Variants in POMK observed in about 807,000 individuals in gnomAD.
POMK encodes the protein Sugen kinase 196.
POMK carries 19 observed loss-of-function variants against 23.0 expected under a neutral mutation model. The ratio of observed to expected loss-of-function variants is 0.83; its 90% CI spans 0.58 to 1.21. POMK has a LOEUF of 1.21. Ranked by LOEUF, POMK falls within the 50% of genes most tolerant of loss-of-function variation. The pLI is 0.00. For missense variants in POMK, 410 were observed against 431.3 expected (o/e 0.95, Z 0.44); for synonymous variants, 173 against 171.6 (o/e 1.01, Z -0.06).
intron 4 of POMK, among the ~76,000 whole-genome samples, chr8:43,108,148 T>G (rs1811581918): frequency 6.6e-6 from 1 of 152,200 alleles, no homozygotes; most frequent in Non-Finnish European, 1.5e-5. Flanking sequence ...CCTAGATAAC[T>G]TGGGGCTCCT....
intron 4 of POMK, among the ~76,000 whole-genome samples, chr8:43,112,404 T>G (rs759379469): frequency 2.4e-4 from 37 of 152,156 alleles, no homozygotes; most frequent in Admixed American, 2.0e-4. Flanking sequence ...CTAAGAAATG[T>G]GGGACTATGT....
intron 4 of POMK, among the ~76,000 whole-genome samples, chr8:43,116,918 G>A (rs1490022414): frequency 6.6e-6 from 1 of 152,106 alleles, no homozygotes; most frequent in East Asian, 1.9e-4. Context: ...AGGGAGATAG[G>A]GGTAGGGCCA....
intron 4 of POMK, among the ~76,000 whole-genome samples, chr8:43,113,033 A>G (rs1811712498): frequency 2.0e-5 from 3 of 152,234 alleles, no homozygotes; most frequent in African/African-American, 7.2e-5. Flanking sequence ...AGCTAACATC[A>G]TAATCACAGG....
At chr8:43,108,606 T>C (rs1811590505) in intron 4 of POMK, among the ~76,000 whole-genome samples, 1 of 152,236 alleles carries the variant, frequency 6.6e-6, no homozygotes. Flanking sequence ...TTCAGACTTT[T>C]ATTAGTTTAG....
intron 4 of POMK, among the ~76,000 whole-genome samples, chr8:43,118,062 C>G (rs927476625): frequency 1.1e-4 from 16 of 152,240 alleles, no homozygotes; most frequent in African/African-American, 3.4e-4. Context: ...ACATAATAAT[C>G]TTAAGAAAGA....
rs138411599 is a variant in POMK at position 43,103,028 on chromosome 8, G to T, written c.-22+428G>T. Among the ~76,000 whole-genome samples the T allele has an allele frequency of 3.4e-3, 512 of 152,282 alleles. 4 individuals carry two copies. The highest frequency in any genetic ancestry group is 0.01 in the Middle Eastern group (3 of 294). ...TACCTTTCATAACTGCTGAAGAGTA[G>T]CTTTTATTTCTTAAAACTGTTGAGG... On this transcript the variant is annotated intron_variant, in intron 3 of 4. Coordinates refer to ENST00000331373, the MANE Select transcript of POMK (RefSeq NM_032237.5).
intron 4 of POMK, among the ~76,000 whole-genome samples, chr8:43,108,324 C>T (rs1811585024): frequency 6.6e-6 from 1 of 152,190 alleles, no homozygotes; most frequent in Admixed American, 6.5e-5. Flanking sequence ...TAGTCAAACC[C>T]TTGGTAAAAT....
In POMK at chr8:43,122,813, C is replaced by A; in HGVS notation, c.989C>A (p.Thr330Asn). 9 of 1,613,980 alleles carry A rather than the reference C, an allele frequency of 5.6e-6. No homozygotes were observed. The highest frequency in any genetic ancestry group is 7.6e-6 in the Non-Finnish European group (9 of 1,179,902). ...ERPTAQDVLE[T>N]YQKVLDTLRD... ...CCCACTGCCCAGGACGTTCTGGAGACCTACCAGAAGGTCTTGGATACACTT... is the reference window on the plus strand; with the variant it reads ...CCCACTGCCCAGGACGTTCTGGAGAACTACCAGAAGGTCTTGGATACACTT... The change falls in exon 5 of 5, where the codon ACC becomes AAC. Residue 330 changes from threonine (T) to asparagine (N), a missense_variant. By Grantham distance (65) the Thr-to-Asn change is moderately conservative. Coordinates refer to ENST00000331373, the MANE Select transcript of POMK (RefSeq NM_032237.5).
intron 1 of POMK, among the ~76,000 whole-genome samples, chr8:43,094,564 C>T (rs1024334089): frequency 2.0e-5 from 3 of 152,126 alleles, no homozygotes; most frequent in East Asian, 1.9e-4. Flanking sequence ...CACCCTTTGC[C>T]TTTGCTATAG....
At chr8:43,098,252 AC>A (rs1346030124) in intron 2 of POMK, among the ~76,000 whole-genome samples, 5 of 152,102 alleles carry the variant, frequency 3.3e-5, no homozygotes, top group African/African-American at 4.8e-5. Context: ...CCAAAAAGAG[AC>A]CCCATCCCTG....
chr8:43,110,789 A>T (rs1268112839), intron 4 of POMK, among the ~76,000 whole-genome samples: 1 of 152,072 alleles, frequency 6.6e-6, no homozygotes, highest in East Asian at 1.9e-4. Flanking sequence ...TGCTGGGTGC[A>T]TATATTCCAA....
chr8:43,105,078 T>C (rs1404748110), intron 4 of POMK, among the ~76,000 whole-genome samples: 1 of 152,242 alleles, frequency 6.6e-6, no homozygotes, highest in Non-Finnish European at 1.5e-5. Context: ...GTAATAATTA[T>C]CCATATTTAT....
chr8:43,094,432 C>A (rs957538396), intron 1 of POMK, among the ~76,000 whole-genome samples: 2 of 152,208 alleles, frequency 1.3e-5, no homozygotes, highest in Non-Finnish European at 2.9e-5. Flanking sequence ...TGTCTCAGCT[C>A]TTTGCCTTTG....
At chr8:43,118,016 T>A (rs903693755) in intron 4 of POMK, among the ~76,000 whole-genome samples, 4 of 152,214 alleles carry the variant, frequency 2.6e-5, no homozygotes, top group Admixed American at 6.5e-5. Flanking sequence ...ATAGATCATA[T>A]AAGATCTTAT....
At chr8:43,093,825 C>T (rs1218435471) in intron 1 of POMK, among the ~76,000 whole-genome samples, 1 of 152,258 alleles carries the variant, frequency 6.6e-6, no homozygotes, top group East Asian at 1.9e-4. Flanking sequence ...TGGCTCCAGC[C>T]TGTAATCCCA....
chr8:43,123,011 TCCAC>T lies in POMK; in HGVS notation c.*135_*138del. On this transcript the variant is annotated 3_prime_UTR_variant, in exon 5 of 5. Transcript: ENST00000331373. Reference sequence around the variant, plus strand: ...TATGGCTTAGCCATGTGGTTCGTTGTCCACATCCACATGTACGTTTGTATGTAGT... The same window carrying T: ...TATGGCTTAGCCATGTGGTTCGTTGTATCCACATGTACGTTTGTATGTAGT... 1.4e-6 allele frequency: 1 copy of T among 729,952 alleles called. No homozygotes were observed. The highest frequency in any genetic ancestry group is 2.2e-6 in the Non-Finnish European group (1 of 448,082). The allele number at this position is 729,952 out of a possible 1,614,324, so 45.2% of individuals were successfully genotyped here.
At position 43,110,511 on chromosome 8, in the gene POMK, T is replaced by TA; in HGVS notation, c.282+6682dup. Among the ~76,000 whole-genome samples the TA allele has an allele frequency of 1.3e-5, 2 of 152,394 alleles. 1 individual carries two copies. ...CCTTTTCATGAATACGTTCACAACT[T>TA]ACAGAGACCATCTACAACATGCTTG... is the stretch of plus-strand genomic sequence containing the variant. On this transcript the variant is annotated intron_variant, in intron 4 of 4. Transcript: ENST00000331373.
intron 4 of POMK, among the ~76,000 whole-genome samples, chr8:43,106,149 A>G (rs912099665): frequency 1.3e-5 from 2 of 152,186 alleles, no homozygotes; most frequent in Admixed American, 6.5e-5. Context: ...CATCTTCACC[A>G]GCATTTGTTA....
intron 1 of POMK, among the ~76,000 whole-genome samples, chr8:43,096,672 AAAAAAAG>A (rs747438893): frequency 8.6e-5 from 13 of 151,606 alleles, no homozygotes; most frequent in Non-Finnish European, 1.6e-4. Flanking sequence ...ACTCCTTCTC[AAAAAAAG>A]AAAAAAGAAA....
Sources: allele counts gnomAD v4.1 joint callset (sites outside exome capture counted in the v4.1 genomes callset), GRCh38; gene constraint gnomAD v4.1.1; transcripts MANE v1.5; gene names NCBI Gene and HGNC (gene_info 2026-07-23, HGNC 2026-07-21).